GSE1: variants seen among roughly 807,000 people sequenced by gnomAD.
GSE1 encodes genetic suppressor element 1.
In GSE1, 32 loss-of-function variants were observed where a neutral mutation model predicts 112.6. That is an observed-to-expected ratio of 0.28 (90% confidence interval 0.21 to 0.38). The LOEUF is 0.38. Among genes scored for constraint, GSE1 ranks in the 10% least tolerant of loss-of-function variants. The probability of loss-of-function intolerance (pLI) is 1.00; values close to 1 mark genes in which losing one functional copy is unlikely to be tolerated. For missense variants in GSE1, 2,348 were observed against 1,699.2 expected (o/e 1.38, Z -6.71); for synonymous variants, 1,115 against 735.6 (o/e 1.52, Z -8.35).
intron 2 of GSE1, among the ~76,000 whole-genome samples, chr16:85,546,263 C>T (rs1253460315): frequency 6.6e-6 from 1 of 151,830 alleles, no homozygotes; most frequent in Non-Finnish European, 1.5e-5. Flanking sequence ...TTTAGTATTT[C>T]TTAGTAGAGA....
In GSE1 at chr16:85,505,323, C is replaced by T. The variant is rs528305254; in HGVS notation, c.2465-128591C>T. On this transcript the variant is annotated intron_variant, in intron 2 of 2. Coordinates refer to the GSE1 transcript ENST00000637419. Reference sequence around the variant, plus strand: ...CGAGACCACTTCCAGCCCCAACCTCCCATGCACGTGGGAGTCCCACCCGGG... The same window carrying T: ...CGAGACCACTTCCAGCCCCAACCTCTCATGCACGTGGGAGTCCCACCCGGG... Among the ~76,000 whole-genome samples the T allele has an allele frequency of 1.3e-4, 20 of 152,320 alleles. No individual in the cohort carries two copies. In the South Asian group the frequency reaches 4.1e-3, roughly 32 times the overall value.
upstream of GSE1, among the ~76,000 whole-genome samples, chr16:85,610,540 A>C (rs1458823488): frequency 6.6e-6 from 1 of 152,246 alleles, no homozygotes; most frequent in Non-Finnish European, 1.5e-5. Flanking sequence ...TCCCACCCTT[A>C]AACTCGGAGG....
At chr16:85,667,993 C>T (rs555624139) in intron 13 of GSE1, 147 bp from the exon 14 acceptor site, 103 of 601,912 alleles carry the variant, frequency 1.7e-4, no homozygotes, top group African/African-American at 1.6e-3. Flanking sequence ...TGGGCTAGGT[C>T]CCTCCTCTCT....
chr16:85,449,409 C>T (rs952083275), intron 2 of GSE1, among the ~76,000 whole-genome samples: 14 of 152,228 alleles, frequency 9.2e-5, no homozygotes, highest in Non-Finnish European at 1.5e-4. Flanking sequence ...GGGCCGAGGC[C>T]GCATGGGGGG....
intron 1 of GSE1, among the ~76,000 whole-genome samples, chr16:85,241,599 G>C (rs1011649960): frequency 6.6e-6 from 1 of 152,236 alleles, no homozygotes; most frequent in South Asian, 2.1e-4. Flanking sequence ...TACCCGGTGT[G>C]GTCTCCCAGT....
At chr16:85,516,803 T>G (rs533380522) in intron 2 of GSE1, among the ~76,000 whole-genome samples, 1 of 149,260 alleles carries the variant, frequency 6.7e-6, no homozygotes, top group African/African-American at 2.5e-5. Flanking sequence ...TGGTTCTTTT[T>G]TTTTTTTTTT....
At position 85,643,373 on chromosome 16, in the gene GSE1, G is replaced by A. The variant is rs571567418; in HGVS notation, c.227-5179G>A. Among the ~76,000 whole-genome samples the A allele has an allele frequency of 3.3e-5, 5 of 152,352 alleles. No homozygotes were observed. The East Asian group carries it at 7.7e-4, about 24-fold the overall frequency. ...CTGGCGTTGTGGGGGCATCGATCGA[G>A]GCTGAGCTGGCTGGTCTGATGAGTA... On this transcript the variant is annotated intron_variant, in intron 2 of 15. Transcript: ENST00000253458.
rs2053612009 is a variant in GSE1 at position 85,675,103 on chromosome 16, CAGT to C, written c.*2567_*2569del. ...ACTTTCAGATTATTCTCAAAGAACA[CAGT>C]AGCACCTAAATCTGTTTTCAATTGG... On this transcript the variant is annotated 3_prime_UTR_variant, in exon 16 of 16. Coordinates refer to ENST00000253458, the MANE Select transcript of GSE1 (RefSeq NM_014615.5). 1.3e-5 allele frequency: 2 copies of C among 152,218 alleles called. No homozygotes were observed. The allele number at this position is 152,218 out of a possible 1,614,324, so 9.4% of individuals were successfully genotyped here. A position where few individuals can be genotyped will look rare whatever the true frequency, so the allele number is the denominator to read the frequency against.
At chr16:85,480,372 C>CG (rs2050633349) in intron 2 of GSE1, among the ~76,000 whole-genome samples, 2 of 152,216 alleles carry the variant, frequency 1.3e-5, no homozygotes, top group South Asian at 4.1e-4. Flanking sequence ...CCTGGCCTTG[C>CG]GGCAGGGGGC....
At chr16:85,331,357 G>GTATATATATATATA (rs1161946667) in intron 1 of GSE1, among the ~76,000 whole-genome samples, 12 of 57,140 alleles carry the variant, frequency 2.1e-4, no homozygotes, top group South Asian at 6.4e-4. Context: ...GTGTGTGTGT[G>GTATATATATATATA]TGTGTGTGTA....
chr16:85,301,651 C>G (rs748811665), intron 1 of GSE1, among the ~76,000 whole-genome samples: 1 of 152,220 alleles, frequency 6.6e-6, no homozygotes, highest in Non-Finnish European at 1.5e-5. Flanking sequence ...TCCCTCGTCT[C>G]GGCTCTGTTG....
chr16:85,646,404 C>T (rs958258780), intron 2 of GSE1, among the ~76,000 whole-genome samples: 3 of 152,252 alleles, frequency 2.0e-5, no homozygotes, highest in Admixed American at 6.5e-5. Context: ...TGCTGTGACA[C>T]GGGGTCTGGG....
intron 2 of GSE1, among the ~76,000 whole-genome samples, chr16:85,645,746 G>C (rs975213369): frequency 6.6e-6 from 1 of 152,238 alleles, no homozygotes; most frequent in African/African-American, 2.4e-5. Context: ...ACAGAAGTCG[G>C]GCAGGATGCC....
At chr16:85,592,029 C>T (rs114574319) in intron 1 of GSE1, among the ~76,000 whole-genome samples, 1 of 152,334 alleles carries the variant, frequency 6.6e-6, no homozygotes, top group African/African-American at 2.4e-5. Context: ...GGCTAAGTAG[C>T]ACCTGCGGCC....
chr16:85,485,200 C>T (rs906889905), intron 2 of GSE1, among the ~76,000 whole-genome samples: 1 of 152,244 alleles, frequency 6.6e-6, no homozygotes, highest in Non-Finnish European at 1.5e-5. Flanking sequence ...AGCCTGTGCC[C>T]GGAGATAGGC....
intron 1 of GSE1, chr16:85,592,915 G>A (rs2047060146): frequency 6.6e-6 from 1 of 152,350 alleles, no homozygotes; most frequent in East Asian, 1.9e-4. Context: ...CCAGCTCTAG[G>A]CGAGGGTGCC....
At chr16:85,239,223 C>T (rs1046679649) in intron 1 of GSE1, among the ~76,000 whole-genome samples, 13 of 152,200 alleles carry the variant, frequency 8.5e-5, no homozygotes, top group Non-Finnish European at 1.3e-4. Flanking sequence ...TGAGTCACCA[C>T]GCCAGGCCTG....
At chr16:85,478,754 G>C (rs1268835610) in intron 2 of GSE1, among the ~76,000 whole-genome samples, 4 of 150,696 alleles carry the variant, frequency 2.7e-5, no homozygotes, top group African/African-American at 9.8e-5. Flanking sequence ...TGCAACCTCT[G>C]CCTCCCAAGT....
chr16:85,591,039 G>A (rs1380398957), intron 1 of GSE1, among the ~76,000 whole-genome samples: 1 of 152,166 alleles, frequency 6.6e-6, no homozygotes, highest in Non-Finnish European at 1.5e-5. Context: ...TGTGTCCCGA[G>A]GGCCACCCTG....
Sources: allele counts gnomAD v4.1 joint callset (sites outside exome capture counted in the v4.1 genomes callset), GRCh38; gene constraint gnomAD v4.1.1; transcripts MANE v1.5; gene names NCBI Gene and HGNC (gene_info 2026-07-23, HGNC 2026-07-21).